The following NID2 variants were observed in gnomAD, a reference collection of about 807,000 sequenced individuals.
NID2 encodes nidogen 2.
Under a neutral mutation model 145.4 loss-of-function variants are expected in NID2, and 83 were observed. That is an observed-to-expected ratio of 0.57 (90% CI 0.48 to 0.69). The LOEUF is 0.69. Ranked by LOEUF, NID2 falls within the 30% of genes least tolerant of loss-of-function variation. The probability of loss-of-function intolerance (pLI) is 0.00; values close to 1 mark genes in which losing one functional copy is unlikely to be tolerated. For missense variants in NID2, 1,807 were observed against 1,765.7 expected, an observed-to-expected ratio of 1.02 and a Z score of -0.42; for synonymous variants, 739 against 701.3, an observed-to-expected ratio of 1.05 and a Z score of -0.85.
At chr14:52,032,239 G>GA (rs1359366387) in intron 9 of NID2, among the ~76,000 whole-genome samples, 1 of 152,232 alleles carries the variant, frequency 6.6e-6, no homozygotes, top group African/African-American at 2.4e-5. Flanking sequence ...ATTATTGGCT[G>GA]AAAATAAGGA....
chr14:52,035,099 C>T (rs1892007162), intron 9 of NID2, among the ~76,000 whole-genome samples: 1 of 152,100 alleles, frequency 6.6e-6, no homozygotes, highest in Admixed American at 6.5e-5. Flanking sequence ...ATTTGTTATC[C>T]CCAATCAATA....
intron 18 of NID2, 39 bp from the exon 19 acceptor site, chr14:52,008,006 G>A: frequency 1.9e-6 from 3 of 1,538,990 alleles, no homozygotes; most frequent in South Asian, 2.4e-5. Context: ...GAATAGCCAT[G>A]TAGCCTGTGG....
intron 3 of NID2, among the ~76,000 whole-genome samples, chr14:52,055,487 T>G (rs1211251352): frequency 1.3e-5 from 2 of 152,186 alleles, no homozygotes; most frequent in East Asian, 3.8e-4. Context: ...AATAAGAAAG[T>G]AGCTTAGAAG....
intron 5 of NID2, among the ~76,000 whole-genome samples, chr14:52,051,924 C>T (rs1028504580): frequency 8.5e-5 from 13 of 152,292 alleles, no homozygotes; most frequent in Non-Finnish European, 1.2e-4. Flanking sequence ...TTCCTGAAGC[C>T]TCCTGCACTT....
rs564682697 is a variant in NID2 at position 52,017,865 on chromosome 14, C to A, written c.3028+1196G>T. Among the ~76,000 whole-genome samples, 13 of 152,214 alleles carry A rather than the reference C, an allele frequency of 8.5e-5. No individual in the cohort carries two copies. In the East Asian group the frequency reaches 1.9e-3, roughly 23 times the overall value. ...AACAGAGTCTCACTCTGTTGCCAGG[C>A]TGGAGGGCAGTGGCATGATCTTGGC... On this transcript the variant is annotated intron_variant, in intron 14 of 21. Coordinates refer to ENST00000216286, the MANE Select transcript of NID2 (RefSeq NM_007361.4).
chr14:52,030,799 CATG>C (rs1404984475), intron 9 of NID2, among the ~76,000 whole-genome samples: 1 of 152,086 alleles, frequency 6.6e-6, no homozygotes, highest in Non-Finnish European at 1.5e-5. Context: ...TGCAGTGAGC[CATG>C]ATTGTGCCAC....
chr14:52,068,677 C>A, intron 1 of NID2, 90 bp downstream of exon 1: 1 of 1,184,814 alleles, frequency 8.4e-7, no homozygotes, highest in South Asian at 1.4e-5. Flanking sequence ...GGAGTGGGGT[C>A]TGTTTCCTCC....
At chr14:52,022,598 A>G (rs1170564269) in intron 12 of NID2, among the ~76,000 whole-genome samples, 2 of 152,184 alleles carry the variant, frequency 1.3e-5, no homozygotes, top group Non-Finnish European at 2.9e-5. Flanking sequence ...AAAGACAAAA[A>G]CGTTCAAGAA....
intron 1 of NID2, 82 bp downstream of exon 1, chr14:52,068,685 T>C: frequency 2.4e-6 from 3 of 1,276,440 alleles, no homozygotes; most frequent in Non-Finnish European, 3.3e-6. Flanking sequence ...GTCTGTTTCC[T>C]CCCCTCTGGA....
At position 52,040,748 on chromosome 14, in the gene NID2, G is replaced by T; in HGVS notation, c.1929C>A (p.Ser643Arg). The change falls in exon 8 of 22, where the codon AGC (serine) becomes AGA (arginine). Residue 643 changes from serine to arginine, a missense_variant. Transcript: ENST00000216286. ...CCTGGCCTTGAATGTTGGTCTTAAT[G>T]CTCAGGTAGTTCTCTGGGTCAAGTC... Reference protein sequence around the residue: ...AEGLDPENYLSIKTNIQGQVP... With the variant: ...AEGLDPENYLRIKTNIQGQVP... The T allele has an allele frequency of 3.7e-6, 6 of 1,614,164 alleles. No homozygotes were observed. The highest frequency in any genetic ancestry group is 4.2e-6 in the Non-Finnish European group (5 of 1,180,002).
chr14:52,030,080 G>A (rs543351507), intron 9 of NID2, among the ~76,000 whole-genome samples: 1 of 152,262 alleles, frequency 6.6e-6, no homozygotes, highest in Non-Finnish European at 1.5e-5. Context: ...TGAGACATGG[G>A]AAAAATTGCC....
intron 9 of NID2, among the ~76,000 whole-genome samples, chr14:52,035,003 A>G (rs1892003100): frequency 1.4e-5 from 1 of 70,802 alleles, no homozygotes. Context: ...TTAGAGAAAA[A>G]TGGAGCAGAA....
In NID2 at chr14:52,054,272, T is replaced by C; in HGVS notation, c.817A>G (p.Thr273Ala). ...PGVWAFHIGS[T>A]SPLDNVRPAA... Reference sequence around the variant, plus strand: ...GGCCTGACATTGTCCAACGGGGAAGTGCTGCCGATATGGAAAGCCCACACT... The same window carrying C: ...GGCCTGACATTGTCCAACGGGGAAGCGCTGCCGATATGGAAAGCCCACACT... The change falls in exon 4 of 22, where the codon ACT becomes GCT. Residue 273 changes from threonine (T) to alanine (A), a missense_variant. Transcript: ENST00000216286. The C allele has an allele frequency of 5.0e-6, 8 of 1,614,122 alleles. No homozygotes were observed. Among genetic ancestry groups the C allele is most frequent in the African/African-American group, 1.3e-5 (1 of 75,032 alleles).
rs1445255877 is a variant in NID2, at chr14:52,019,209, G to A, written c.2880C>T (p.Ile960=). 1.2e-6 allele frequency: 2 copies of A among 1,613,454 alleles called. No homozygotes were observed. The highest frequency in any genetic ancestry group is 1.7e-6 in the Non-Finnish European group (2 of 1,179,518). ...QYAYPGARFH[I]PQCDEQGNFL... Reference sequence around the variant, plus strand: ...AGTTGCCCTGCTCGTCGCATTGGGGGATGTGGAACCGGGCCCCAGGGTAGG... The same window carrying A: ...AGTTGCCCTGCTCGTCGCATTGGGGAATGTGGAACCGGGCCCCAGGGTAGG... Residue 960 remains isoleucine (I), a synonymous_variant, in exon 14 of 22, where the codon ATC becomes ATT. Transcript: ENST00000216286.
At chr14:52,035,667 A>G (rs1245415420) in intron 9 of NID2, among the ~76,000 whole-genome samples, 1 of 151,420 alleles carries the variant, frequency 6.6e-6, no homozygotes, top group Admixed American at 6.6e-5. Context: ...TGTTTCTACT[A>G]CTATTTGCTT....
chr14:52,034,273 G>A (rs1222590370), intron 9 of NID2, among the ~76,000 whole-genome samples: 1 of 150,686 alleles, frequency 6.6e-6, no homozygotes, highest in African/African-American at 2.4e-5. Flanking sequence ...TTTCCTAAAT[G>A]GTTCCAGAAT....
Position 52,007,939 on chromosome 14 carries a change from C to CTCTATTCCAGT in NID2, c.3740_3750dup (p.Glu1251ThrfsTer14). ...GATGACGTTTCAATTTTAGGAGCTT[C>CTCTATTCCAGT]TCTATTCCAGTCTGTCCAGTACAAG... On this transcript the variant is annotated frameshift_variant, in exon 19 of 22. Coordinates refer to ENST00000216286, the MANE Select transcript of NID2 (RefSeq NM_007361.4). LOFTEE classifies it high-confidence loss of function. 1 of 1,613,516 alleles carries CTCTATTCCAGT rather than the reference C, an allele frequency of 6.2e-7. No individual in the cohort carries two copies. Among genetic ancestry groups the CTCTATTCCAGT allele is most frequent in the Non-Finnish European group, 8.5e-7 (1 of 1,179,828 alleles).
At chr14:52,016,065 C>T (rs2140355932) in intron 14 of NID2, among the ~76,000 whole-genome samples, 2 of 152,258 alleles carry the variant, frequency 1.3e-5, no homozygotes. Flanking sequence ...CTCCAGCATC[C>T]TCTCCTCTTG....
At chr14:52,046,597 G>A (rs1194734048) in intron 5 of NID2, among the ~76,000 whole-genome samples, 3 of 152,158 alleles carry the variant, frequency 2.0e-5, no homozygotes, top group African/African-American at 7.2e-5. Context: ...GCAGGGCGAT[G>A]CAGCCAGCAA....
Sources: gnomAD v4.1 joint callset for allele counts (sites outside exome capture counted in the v4.1 genomes callset) on GRCh38, gnomAD v4.1.1 for gene constraint, MANE v1.5 for transcripts, NCBI Gene and HGNC (gene_info 2026-07-23, HGNC 2026-07-21) for gene names.